AGBL4: variants seen among roughly 807,000 people sequenced by gnomAD.
AGBL4 encodes cytosolic carboxypeptidase 6.
Under a neutral mutation model 66.4 loss-of-function variants are expected in AGBL4, and 58 were observed. The ratio of observed to expected loss-of-function variants is 0.87; its 90% CI spans 0.71 to 1.09. The LOEUF is 1.09. Among genes scored for constraint, AGBL4 ranks in the 50% least tolerant of loss-of-function variants. The pLI is 0.00. For missense variants in AGBL4, 579 were observed against 631.0 expected (o/e 0.92, Z 0.88); for synonymous variants, 234 against 222.9 (o/e 1.05, Z -0.44).
chr1:49,714,773 T>C (rs1463470731), intron 2 of AGBL4, among the ~76,000 whole-genome samples: 1 of 151,808 alleles, frequency 6.6e-6, no homozygotes, highest in Non-Finnish European at 1.5e-5. Context: ...ATTATTTCTT[T>C]TCATTTGGGT....
chr1:49,037,339 G>A lies in AGBL4; in HGVS notation c.594+8245C>T, dbSNP rs539615396. On this transcript the variant is annotated intron_variant, in intron 5 of 13. Transcript: ENST00000371839. ...TGGGAAGGAAAGCCAGCTAGACAGC[G>A]TCTTCTTATCAGGAAGGTAAGCTGC... is the stretch of plus-strand genomic sequence containing the variant. Among the ~76,000 whole-genome samples the A allele has an allele frequency of 1.1e-4, 16 of 152,126 alleles. No individual in the cohort carries two copies. In the South Asian group the frequency reaches 1.2e-3, roughly 12 times the overall value.
intron 3 of AGBL4, among the ~76,000 whole-genome samples, chr1:49,420,151 G>A (rs1645512064): frequency 6.6e-6 from 1 of 152,062 alleles, no homozygotes; most frequent in Admixed American, 6.5e-5. Flanking sequence ...CCAACTTTTG[G>A]TCTTCTTTTA....
chr1:49,169,874 A>G (rs1205970890), intron 4 of AGBL4, among the ~76,000 whole-genome samples: 1 of 152,084 alleles, frequency 6.6e-6, no homozygotes, highest in East Asian at 1.9e-4. Flanking sequence ...TTTCCACTAA[A>G]CCATGCTGCC....
rs925135204 is a variant in AGBL4, at chr1:48,843,215, T to A, written c.634+23976A>T. Among the ~76,000 whole-genome samples, 13 of 152,184 alleles carry A rather than the reference T, an allele frequency of 8.5e-5. No homozygotes were observed. In the South Asian group the frequency reaches 1.5e-3, roughly 17 times the overall value. On this transcript the variant is annotated intron_variant, in intron 6 of 13. Transcript: ENST00000371839. ...GGGCAGGGGTACCTTATAAAAAAAA[T>A]TTATATGTGTAATAAAATTGCCTTA...
chr1:48,634,407 C>G lies in AGBL4; in HGVS notation c.951+86G>C, dbSNP rs1032143248. On this transcript the variant is annotated intron_variant, in intron 9 of 13. Coordinates refer to ENST00000371839, the MANE Select transcript of AGBL4 (RefSeq NM_032785.4). ...TTAGCTATGTATTCCTAATTTGCAG[C>G]TTCTAGTGGACTTTCCCAATACAAT... is the stretch of plus-strand genomic sequence containing the variant. 10 of 1,133,748 alleles carry G rather than the reference C, an allele frequency of 8.8e-6. No individual in the cohort carries two copies. In the African/African-American group the frequency reaches 1.6e-4, roughly 18 times the overall value. The allele number at this position is 1,133,748 out of a possible 1,614,324, so 70.2% of individuals were successfully genotyped here.
At chr1:48,640,760 GTCTGA>G (rs1291391894) in intron 8 of AGBL4, among the ~76,000 whole-genome samples, 13 of 152,172 alleles carry the variant, frequency 8.5e-5, no homozygotes, top group Admixed American at 8.5e-4. Flanking sequence ...CTACTCATTT[GTCTGA>G]TCTTCCTATC....
chr1:49,888,521 T>C (rs1432042468), intron 1 of AGBL4, among the ~76,000 whole-genome samples: 1 of 151,946 alleles, frequency 6.6e-6, no homozygotes, highest in African/African-American at 2.4e-5. Flanking sequence ...CACTACAGAG[T>C]AGCTATTCCT....
chr1:49,155,921 T>C (rs1037179766), intron 4 of AGBL4, among the ~76,000 whole-genome samples: 1 of 152,138 alleles, frequency 6.6e-6, no homozygotes, highest in Non-Finnish European at 1.5e-5. Flanking sequence ...TTAAATTGTA[T>C]CTAGACAGGG....
chr1:49,844,747 G>A lies in AGBL4; in HGVS notation c.157+6649C>T, dbSNP rs949607553. The A allele has an allele frequency of 4.5e-5, 72 of 1,597,842 alleles. 1 individual carries two copies. The highest frequency in any genetic ancestry group is 1.7e-4 in the Middle Eastern group (1 of 6,038). On this transcript the variant is annotated intron_variant, in intron 2 of 13. Transcript: ENST00000371839. ...AGTTCTAAAGCAACGTATCTCTGAA[G>A]AAATATCCAACAATGTCATCTTGGT...
chr1:49,868,725 A>G (rs1646767748), intron 1 of AGBL4, among the ~76,000 whole-genome samples: 1 of 152,228 alleles, frequency 6.6e-6, no homozygotes, highest in African/African-American at 2.4e-5. Context: ...GTCAAAAGCA[A>G]TTGCAACAAA....
intron 2 of AGBL4, among the ~76,000 whole-genome samples, chr1:49,754,088 C>T (rs1651689887): frequency 6.6e-6 from 1 of 152,084 alleles, no homozygotes. Flanking sequence ...ATCAAACTTA[C>T]CCTCTGTACG....
At chr1:48,634,445 C>A (rs1461453584) in intron 9 of AGBL4, 48 bp downstream of exon 9, 1 of 1,460,836 alleles carries the variant, frequency 6.8e-7, no homozygotes, top group Admixed American at 2.0e-5. Flanking sequence ...TGCCCTTTCC[C>A]AGATCAAGCC....
intron 1 of AGBL4, among the ~76,000 whole-genome samples, chr1:49,933,050 G>T (rs1252672499): frequency 6.6e-6 from 1 of 152,094 alleles, no homozygotes; most frequent in East Asian, 1.9e-4. Context: ...GAGGGAAATG[G>T]ACATCCAGAT....
chr1:49,709,337 C>T (rs532352453), intron 2 of AGBL4, among the ~76,000 whole-genome samples: 21 of 152,272 alleles, frequency 1.4e-4, no homozygotes, highest in Admixed American at 1.0e-3. Context: ...CTGAACTTCC[C>T]GGAGGCTGTG....
chr1:49,199,936 C>T (rs1647553055), intron 4 of AGBL4, among the ~76,000 whole-genome samples: 1 of 152,126 alleles, frequency 6.6e-6, no homozygotes, highest in South Asian at 2.1e-4. Context: ...GTCCCATAGC[C>T]ATGATATGTG....
chr1:48,658,726 G>A (rs540870582), intron 7 of AGBL4, among the ~76,000 whole-genome samples: 1 of 152,318 alleles, frequency 6.6e-6, no homozygotes, highest in South Asian at 2.1e-4. Context: ...GAAGAGAGGT[G>A]GGAGGAAAGC....
At chr1:49,614,101 C>G (rs573845188) in intron 3 of AGBL4, among the ~76,000 whole-genome samples, 1 of 151,998 alleles carries the variant, frequency 6.6e-6, no homozygotes, top group South Asian at 2.1e-4. Flanking sequence ...TAAAATTGCA[C>G]GAATTACAGA....
intron 3 of AGBL4, among the ~76,000 whole-genome samples, chr1:49,677,989 C>A (rs1160552503): frequency 6.6e-6 from 1 of 152,136 alleles, no homozygotes; most frequent in African/African-American, 2.4e-5. Flanking sequence ...TTTGTTACGG[C>A]ACCTAAAGCT....
intron 4 of AGBL4, among the ~76,000 whole-genome samples, chr1:49,147,627 C>G (rs1013948527): frequency 2.0e-5 from 3 of 152,072 alleles, no homozygotes; most frequent in African/African-American, 7.2e-5. Flanking sequence ...CTATACTTTC[C>G]AGGCCAGCTA....
Sources: allele counts gnomAD v4.1 joint callset (sites outside exome capture counted in the v4.1 genomes callset), GRCh38; gene constraint gnomAD v4.1.1; transcripts MANE v1.5; gene names NCBI Gene and HGNC (gene_info 2026-07-23, HGNC 2026-07-21).